Variants in NRXN1 observed in about 807,000 individuals in gnomAD.
The protein encoded by NRXN1 is neurexin 1.
Under a neutral mutation model 150.9 loss-of-function variants are expected in NRXN1, and 39 were observed. The ratio of observed to expected loss-of-function variants is 0.26; its 90% CI spans 0.20 to 0.34. The LOEUF (loss-of-function observed/expected upper bound fraction) is 0.34, where lower values mean the gene tolerates loss of function less well. Among genes scored for constraint, NRXN1 ranks in the 10% least tolerant of loss-of-function variants. The pLI is 1.00. For synonymous variants in NRXN1, 924 were observed against 757.0 expected (o/e 1.22, Z -3.62); for missense variants, 1,815 against 1,949.9 (o/e 0.93, Z 1.30).
At chr2:50,973,336 T>A (rs959990219) in intron 2 of NRXN1, among the ~76,000 whole-genome samples, 1 of 152,128 alleles carries the variant, frequency 6.6e-6, no homozygotes, top group African/African-American at 2.4e-5. Flanking sequence ...ACATGAACTA[T>A]TCCTGCAGAA....
intron 17 of NRXN1, among the ~76,000 whole-genome samples, chr2:50,338,000 T>C (rs1235486619): frequency 6.6e-6 from 1 of 152,216 alleles, no homozygotes; most frequent in East Asian, 1.9e-4. Flanking sequence ...CTTTTAGTTA[T>C]GGCACAAAAC....
chr2:50,272,427 CA>C (rs1363250419), intron 17 of NRXN1, among the ~76,000 whole-genome samples: 4 of 152,106 alleles, frequency 2.6e-5, no homozygotes, highest in African/African-American at 9.7e-5. Flanking sequence ...ATACTGAAAA[CA>C]ACAGCTCCCA....
At chr2:50,679,957 A>G (rs1160587593) in intron 5 of NRXN1, among the ~76,000 whole-genome samples, 2 of 150,884 alleles carry the variant, frequency 1.3e-5, no homozygotes, top group African/African-American at 4.9e-5. Context: ...ACATGGCAAA[A>G]CCTCGTCTCT....
chr2:50,452,293 G>A (rs1282595022), intron 17 of NRXN1, among the ~76,000 whole-genome samples: 5 of 152,212 alleles, frequency 3.3e-5, no homozygotes, highest in Admixed American at 6.5e-5. Flanking sequence ...TGGCTGAGCT[G>A]TAGGCTGCAT....
At chr2:50,664,394 A>AGT (rs1162405411) in intron 5 of NRXN1, among the ~76,000 whole-genome samples, 5 of 107,152 alleles carry the variant, frequency 4.7e-5, no homozygotes, top group Admixed American at 2.1e-4. Context: ...CAAAGTTTAA[A>AGT]GCGTGTGTGT....
chr2:49,960,780 G>A (rs1675799045), intron 21 of NRXN1, among the ~76,000 whole-genome samples: 2 of 152,080 alleles, frequency 1.3e-5, no homozygotes, highest in African/African-American at 4.8e-5. Context: ...CTACCCCAGT[G>A]GTTCTTAAAT....
chr2:50,019,822 C>T (rs1687251080), intron 21 of NRXN1, among the ~76,000 whole-genome samples: 1 of 149,302 alleles, frequency 6.7e-6, no homozygotes, highest in South Asian at 2.1e-4. Flanking sequence ...GTGGCGGGCG[C>T]CTATAGTCCC....
intron 17 of NRXN1, among the ~76,000 whole-genome samples, chr2:50,350,834 G>A (rs2078358613): frequency 6.6e-6 from 1 of 152,098 alleles, no homozygotes; most frequent in Non-Finnish European, 1.5e-5. Flanking sequence ...GGAGTCTCAA[G>A]AGCTAAAGAG....
At chr2:50,396,905 C>T (rs183678088) in intron 17 of NRXN1, among the ~76,000 whole-genome samples, 90 of 152,170 alleles carry the variant, frequency 5.9e-4, no homozygotes, top group African/African-American at 2.0e-3. Flanking sequence ...AAGATTTGGA[C>T]TTAAGGTCAA....
At chr2:50,844,092 G>C (rs1413250950) in intron 5 of NRXN1, among the ~76,000 whole-genome samples, 1 of 152,124 alleles carries the variant, frequency 6.6e-6, no homozygotes, top group Non-Finnish European at 1.5e-5. Flanking sequence ...TGGACCTGGA[G>C]GCACGAAGAA....
intron 5 of NRXN1, among the ~76,000 whole-genome samples, chr2:50,631,879 A>G (rs186272723): frequency 4.5e-4 from 69 of 152,096 alleles, no homozygotes; most frequent in Admixed American, 1.3e-3. Flanking sequence ...AATGTAATCT[A>G]TAAGAACTAG....
chr2:50,361,743 A>G (rs759291663), intron 17 of NRXN1, among the ~76,000 whole-genome samples: 1 of 152,216 alleles, frequency 6.6e-6, no homozygotes, highest in African/African-American at 2.4e-5. Context: ...TCCCTAACTC[A>G]TTTTATGAGG....
At chr2:50,727,389 T>A (rs149967980) in intron 5 of NRXN1, among the ~76,000 whole-genome samples, 2 of 152,302 alleles carry the variant, frequency 1.3e-5, no homozygotes, top group East Asian at 1.9e-4. Flanking sequence ...ATGCTTCAAT[T>A]ATGAAATATG....
intron 5 of NRXN1, among the ~76,000 whole-genome samples, chr2:50,640,688 G>A (rs1683951875): frequency 6.6e-6 from 1 of 152,170 alleles, no homozygotes; most frequent in Non-Finnish European, 1.5e-5. Flanking sequence ...TATCATCTGA[G>A]AGTAATATAG....
chr2:50,287,980 A>G (rs2072412073), intron 17 of NRXN1, among the ~76,000 whole-genome samples: 1 of 152,138 alleles, frequency 6.6e-6, no homozygotes, highest in African/African-American at 2.4e-5. Context: ...CCTCGAGGGC[A>G]TGTATAGACA....
chr2:50,755,020 C>T (rs1301338763), intron 5 of NRXN1, among the ~76,000 whole-genome samples: 2 of 151,708 alleles, frequency 1.3e-5, no homozygotes, highest in African/African-American at 4.8e-5. Context: ...GTAGATTAAC[C>T]ATTGCCTTTC....
chr2:50,418,412 C>T (rs2083715958), intron 17 of NRXN1, among the ~76,000 whole-genome samples: 1 of 152,028 alleles, frequency 6.6e-6, no homozygotes, highest in Non-Finnish European at 1.5e-5. Flanking sequence ...TTAGATGCTG[C>T]AAATCATAAA....
chr2:49,935,639 A>G (rs989241379), intron 22 of NRXN1, among the ~76,000 whole-genome samples: 8 of 152,196 alleles, frequency 5.3e-5, no homozygotes, highest in Admixed American at 5.2e-4. Context: ...CCAACAATGA[A>G]AGCATATTGG....
intron 18 of NRXN1, among the ~76,000 whole-genome samples, chr2:50,100,351 G>A (rs974827): frequency 0.32 from 48,772 of 151,928 alleles, 8,260 homozygotes; most frequent in Non-Finnish European, 0.37. Context: ...TTGAGCTCCA[G>A]TGATAACATC....
Sources: allele counts gnomAD v4.1 joint callset (sites outside exome capture counted in the v4.1 genomes callset), GRCh38; gene constraint gnomAD v4.1.1; transcripts MANE v1.5; gene names NCBI Gene and HGNC (gene_info 2026-07-23, HGNC 2026-07-21).